The following SLMAP variants were observed in gnomAD, a reference collection of about 807,000 sequenced individuals.
The protein encoded by SLMAP is sarcolemmal membrane-associated protein.
SLMAP carries 44 observed loss-of-function variants against 128.8 expected under a neutral mutation model. The observed-to-expected ratio is 0.34, with a 90% CI of 0.27 to 0.44. The LOEUF (loss-of-function observed/expected upper bound fraction) is 0.44. Ranked by LOEUF, SLMAP falls within the 20% of genes least tolerant of loss-of-function variation. SLMAP has a pLI of 1.00. For synonymous variants in SLMAP, 327 were observed against 348.8 expected (o/e 0.94, Z 0.70); for missense variants, 787 against 985.3 (o/e 0.80, Z 2.69).
chr3:57,796,578 C>T (rs1490728671), intron 2 of SLMAP, among the ~76,000 whole-genome samples: 1 of 152,130 alleles, frequency 6.6e-6, no homozygotes, highest in Non-Finnish European at 1.5e-5. Context: ...AACGATTTGG[C>T]AACAGTCACC....
At chr3:57,831,654 C>T (rs1419821954) in intron 3 of SLMAP, 124 bp downstream of exon 3, 2 of 595,778 alleles carry the variant, frequency 3.4e-6, no homozygotes, top group South Asian at 6.3e-5. Flanking sequence ...GCATTATATA[C>T]AGTGAAAAGT....
Position 57,863,600 on chromosome 3 carries a change from G to A in SLMAP, c.967-948G>A, listed in dbSNP as rs890387809. Among the ~76,000 whole-genome samples, 65 of 152,160 alleles carry A rather than the reference G, an allele frequency of 4.3e-4. 2 individuals are homozygous for A. Among genetic ancestry groups the A allele is most frequent in the Admixed American group, 1.3e-4 (2 of 15,278 alleles). On this transcript the variant is annotated intron_variant, in intron 10 of 24. Coordinates refer to ENST00000671191, the MANE Select transcript of SLMAP (RefSeq NM_001377540.1). ...GTGGAGCTGGTACGTGTTCCATGGT[G>A]AGAGAGGGTCTGGGAGAGGTGCCAG...
At position 57,768,709 on chromosome 3, in the gene SLMAP, A is replaced by G. The variant is rs527703186; in HGVS notation, c.198+10860A>G. On this transcript the variant is annotated intron_variant, in intron 2 of 24. Coordinates refer to ENST00000671191, the MANE Select transcript of SLMAP (RefSeq NM_001377540.1). ...CAAACACCAACCTGATATTCCTGTG[A>G]AAGTATTTCTTAGATGTGACTAACA... Among the ~76,000 whole-genome samples, 43 of 152,256 alleles carry G rather than the reference A, an allele frequency of 2.8e-4. No individual in the cohort carries two copies. In the East Asian group the frequency reaches 7.1e-3, roughly 25 times the overall value.
chr3:57,885,041 G>A lies in SLMAP; in HGVS notation c.1301-5000G>A, dbSNP rs373552371. On this transcript the variant is annotated intron_variant, in intron 14 of 24. Coordinates refer to ENST00000671191, the MANE Select transcript of SLMAP (RefSeq NM_001377540.1). Reference sequence around the variant, plus strand: ...ACACACACAGAAAAATGTGAGTAGGGAAGAAATAGGAAAAAGGTAAGAAGC... The same window carrying A: ...ACACACACAGAAAAATGTGAGTAGGAAAGAAATAGGAAAAAGGTAAGAAGC... Among the ~76,000 whole-genome samples, 159 of 151,104 alleles carry A rather than the reference G, an allele frequency of 1.1e-3. 1 individual carries two copies. The highest frequency in any genetic ancestry group is 3.6e-3 in the African/African-American group (147 of 41,340).
intron 2 of SLMAP, among the ~76,000 whole-genome samples, chr3:57,768,992 T>C (rs1167646377): frequency 6.6e-6 from 1 of 152,104 alleles, no homozygotes; most frequent in Non-Finnish European, 1.5e-5. Context: ...TAAATCTCTC[T>C]ATATAAATGT....
chr3:57,856,305 A>C (rs1179329772), intron 6 of SLMAP, among the ~76,000 whole-genome samples: 1 of 152,170 alleles, frequency 6.6e-6, no homozygotes, highest in Non-Finnish European at 1.5e-5. Context: ...ATAAACTTAC[A>C]AGTTTTAAAA....
chr3:57,758,740 A>G (rs1321000497), intron 2 of SLMAP, among the ~76,000 whole-genome samples: 3 of 152,234 alleles, frequency 2.0e-5, no homozygotes, highest in African/African-American at 7.2e-5. Flanking sequence ...TAAGAAGTGA[A>G]GAAAGAAATT....
intron 2 of SLMAP, among the ~76,000 whole-genome samples, chr3:57,812,830 T>C (rs768874954): frequency 1.3e-5 from 2 of 152,018 alleles, no homozygotes; most frequent in African/African-American, 2.4e-5. Flanking sequence ...TTTTCCTTTT[T>C]TTTTCTTAAC....
chr3:57,924,445 C>T (rs537079656), intron 23 of SLMAP, among the ~76,000 whole-genome samples: 45 of 150,960 alleles, frequency 3.0e-4, no homozygotes, highest in African/African-American at 9.2e-4. Context: ...CTCAGCTCAC[C>T]GCAACATCCA....
chr3:57,880,306 A>G (rs963698732), intron 14 of SLMAP, among the ~76,000 whole-genome samples: 1 of 151,746 alleles, frequency 6.6e-6, no homozygotes, highest in Non-Finnish European at 1.5e-5. Flanking sequence ...GGTTCAAGTG[A>G]TTCTCCTGTC....
At chr3:57,814,305 T>C (rs1262326287) in intron 2 of SLMAP, among the ~76,000 whole-genome samples, 1 of 151,950 alleles carries the variant, frequency 6.6e-6, no homozygotes, top group Admixed American at 6.6e-5. Flanking sequence ...TCCTCATGCC[T>C]CATTTTTTGA....
At chr3:57,926,264 T>G (rs1274779773) in intron 24 of SLMAP, 1 of 240,416 alleles carries the variant, frequency 4.2e-6, no homozygotes, top group Non-Finnish European at 8.0e-6. Context: ...TTTCCAATTA[T>G]GTGTTTAATC....
intron 2 of SLMAP, among the ~76,000 whole-genome samples, chr3:57,830,430 A>T (rs1457565363): frequency 6.6e-6 from 1 of 152,232 alleles, no homozygotes; most frequent in Admixed American, 6.5e-5. Context: ...AAATTCAGCG[A>T]AAATGTGTTA....
intron 13 of SLMAP, among the ~76,000 whole-genome samples, chr3:57,868,828 T>C (rs2095381393): frequency 7.2e-6 from 1 of 139,242 alleles, no homozygotes. Context: ...ATATAAAATA[T>C]ATATATGTGT....
In SLMAP at chr3:57,907,319, G is replaced by A. The variant is rs754543048; in HGVS notation, c.1502-565G>A. The stretch of plus-strand genomic sequence containing the variant: ...TGGGATTACAGGCATGAGCCACCAC[G>A]CCCAGCTCAGATATTTGTTATATGT... On this transcript the variant is annotated intron_variant, in intron 17 of 24. Coordinates refer to ENST00000671191, the MANE Select transcript of SLMAP (RefSeq NM_001377540.1). Among the ~76,000 whole-genome samples, 24 of 152,330 alleles carry A rather than the reference G, an allele frequency of 1.6e-4. No homozygotes were observed. The East Asian group carries it at 4.2e-3, about 27-fold the overall frequency.
chr3:57,903,238 A>C (rs2096440011), intron 17 of SLMAP, among the ~76,000 whole-genome samples: 1 of 152,210 alleles, frequency 6.6e-6, no homozygotes, highest in African/African-American at 2.4e-5. Context: ...TGCTACCTTA[A>C]GCTATTTGAC....
At chr3:57,862,894 C>T (rs2095152894) in intron 10 of SLMAP, among the ~76,000 whole-genome samples, 1 of 152,172 alleles carries the variant, frequency 6.6e-6, no homozygotes, top group Admixed American at 6.5e-5. Flanking sequence ...TTTAGCCCAA[C>T]CTCCATTACT....
intron 2 of SLMAP, among the ~76,000 whole-genome samples, chr3:57,829,426 C>T (rs1302067939): frequency 6.6e-6 from 1 of 151,828 alleles, no homozygotes; most frequent in Non-Finnish European, 1.5e-5. Context: ...CTAAAAATAA[C>T]CTGACCAGAA....
chr3:57,788,511 A>G (rs1172310066), intron 2 of SLMAP, among the ~76,000 whole-genome samples: 2 of 152,232 alleles, frequency 1.3e-5, no homozygotes, highest in Admixed American at 1.3e-4. Context: ...AGGTTACAGG[A>G]AATACACTCC....
Sources: allele counts gnomAD v4.1 joint callset (sites outside exome capture counted in the v4.1 genomes callset), GRCh38; gene constraint gnomAD v4.1.1; transcripts MANE v1.5; gene names NCBI Gene and HGNC (gene_info 2026-07-23, HGNC 2026-07-21).